FRMD6: variants seen among roughly 807,000 people sequenced by gnomAD.
FRMD6 encodes the protein FERM domain containing 6.
In FRMD6, 37 loss-of-function variants were observed where a neutral mutation model predicts 73.2. The observed-to-expected ratio is 0.51, with a 90% CI of 0.39 to 0.66. FRMD6 has a LOEUF of 0.66. FRMD6 is among the 30% of genes least tolerant of loss of function. FRMD6 has a pLI of 0.00. For synonymous variants in FRMD6, 273 were observed against 282.2 expected (o/e 0.97, Z 0.33); for missense variants, 714 against 780.5 (o/e 0.91, Z 1.02).
chr14:51,533,919 T>C (rs749440747), intron 1 of FRMD6, among the ~76,000 whole-genome samples: 19 of 152,318 alleles, frequency 1.2e-4, no homozygotes, highest in Non-Finnish European at 2.5e-4. Flanking sequence ...TCAATGTGGA[T>C]CCTTTTATCT....
intron 7 of FRMD6, 70 bp downstream of exon 7, chr14:51,708,303 AC>A: frequency 1.5e-6 from 2 of 1,373,780 alleles, no homozygotes; most frequent in Non-Finnish European, 2.0e-6. Flanking sequence ...GAGAAGGAAA[AC>A]CGAAGGATTT....
chr14:51,591,383 T>C (rs553073784), intron 2 of FRMD6, among the ~76,000 whole-genome samples: 1 of 152,286 alleles, frequency 6.6e-6, no homozygotes, highest in African/African-American at 2.4e-5. Context: ...TGATCCAGAC[T>C]TAGAAGTATG....
chr14:51,535,491 G>A (rs1885832981), intron 1 of FRMD6, among the ~76,000 whole-genome samples: 1 of 152,180 alleles, frequency 6.6e-6, no homozygotes, highest in African/African-American at 2.4e-5. Context: ...AGTCTTTTGA[G>A]ACTGGCTTCT....
chr14:51,685,665 A>G (rs1895099734), intron 1 of FRMD6, among the ~76,000 whole-genome samples: 1 of 152,212 alleles, frequency 6.6e-6, no homozygotes, highest in South Asian at 2.1e-4. Context: ...TAATACTGTT[A>G]TCCATTATAT....
In FRMD6 at chr14:51,516,279, G is replaced by A. The variant is rs571713483; in HGVS notation, c.-210+26859G>A. 2.0e-5 allele frequency among the ~76,000 whole-genome samples: 3 copies of A among 152,288 alleles called. 1 individual carries two copies. Among genetic ancestry groups the A allele is most frequent in the African/African-American group, 7.2e-5 (3 of 41,548 alleles). ...ATAAATTCTCCATTTACAGGGACTG[G>A]TTTTTAGGTTAGCTTTTTGCTATCT... is the stretch of plus-strand genomic sequence containing the variant. On this transcript the variant is annotated intron_variant, in intron 1 of 14. Transcript: ENST00000356218.
rs749349 is a variant in FRMD6, at chr14:51,716,887, C to T, written c.1024+1388C>T. 2.3e-3 allele frequency among the ~76,000 whole-genome samples: 355 copies of T among 152,106 alleles called. 2 individuals carry two copies. In the Middle Eastern group the frequency reaches 0.031, roughly 13 times the overall value. On this transcript the variant is annotated intron_variant, in intron 10 of 13. Coordinates refer to ENST00000344768, the MANE Select transcript of FRMD6 (RefSeq NM_001267046.2). ...CCTGTGAGAATAGGTGACATAATTA[C>T]GTGCAGAGCCCATAATTTGCCAAGT...
chr14:51,560,437 G>A (rs1020557408), intron 1 of FRMD6, among the ~76,000 whole-genome samples: 4 of 152,142 alleles, frequency 2.6e-5, no homozygotes, highest in African/African-American at 7.2e-5. Context: ...ACAGCCAAGT[G>A]GGCAGGTGAT....
chr14:51,570,948 T>C (rs1950934), intron 2 of FRMD6, among the ~76,000 whole-genome samples: 125,747 of 152,270 alleles, frequency 0.83, 52,280 homozygotes, highest in African/African-American at 0.91. Context: ...ACGATGTGTT[T>C]GGTAGAAATT....
intron 1 of FRMD6, among the ~76,000 whole-genome samples, chr14:51,494,641 A>T (rs1883193301): frequency 6.6e-6 from 1 of 152,162 alleles, no homozygotes; most frequent in Non-Finnish European, 1.5e-5. Flanking sequence ...ACCTGTGGCA[A>T]CATCTATCTA....
chr14:51,494,445 A>G (rs1428902297), intron 1 of FRMD6, among the ~76,000 whole-genome samples: 2 of 152,196 alleles, frequency 1.3e-5, no homozygotes, highest in Non-Finnish European at 2.9e-5. Context: ...CAAGTCCAAA[A>G]CCTTAAAACT....
rs151237199 is a variant in FRMD6, at chr14:51,587,863, G to A, written c.-147+17453G>A. Among the ~76,000 whole-genome samples, 999 of 152,180 alleles carry A rather than the reference G, an allele frequency of 6.6e-3. 1 individual carries two copies. Among genetic ancestry groups the A allele is most frequent in the Middle Eastern group, 0.014 (4 of 294 alleles). ...GAGGGTCCTTCCTACTGACGTTAGC[G>A]GCAATGACGTTCTTATCACTGTTCT... On this transcript the variant is annotated intron_variant, in intron 2 of 14. Transcript: ENST00000356218.
At chr14:51,716,474 G>C (rs1447855895) in intron 10 of FRMD6, among the ~76,000 whole-genome samples, 1 of 152,142 alleles carries the variant, frequency 6.6e-6, no homozygotes, top group Non-Finnish European at 1.5e-5. Context: ...TCTGAGACAA[G>C]TTTTGACACC....
chr14:51,437,865 GGGAAAAAAGAAAAACCT>G, the FRMD6 span, among the ~76,000 whole-genome samples: 2 of 152,074 alleles, frequency 1.3e-5, no homozygotes, highest in African/African-American at 2.4e-5. Context: ...TGAACTCTGT[GGGAAAAAAGAAAAACCT>G]GTTCCCTTTG....
chr14:51,698,378 G>T, intron 3 of FRMD6, 146 bp downstream of exon 3: 1 of 440,402 alleles, frequency 2.3e-6, no homozygotes, highest in Non-Finnish European at 4.0e-6. Context: ...TAGTGTAGGT[G>T]TAGTATTTAA....
intron 2 of FRMD6, among the ~76,000 whole-genome samples, chr14:51,588,746 A>G (rs8017354): frequency 9.7e-4 from 148 of 152,292 alleles, no homozygotes; most frequent in African/African-American, 3.3e-3. Flanking sequence ...GCGAACTTAA[A>G]CTGTAAAGCA....
At chr14:51,423,319 C>T in the FRMD6 span, among the ~76,000 whole-genome samples, 6 of 152,208 alleles carry the variant, frequency 3.9e-5, no homozygotes, top group Non-Finnish European at 8.8e-5. Context: ...TGGGGGCACC[C>T]GTCTGTCACT....
intron 12 of FRMD6, among the ~76,000 whole-genome samples, chr14:51,723,391 T>G (rs762709003): frequency 6.6e-6 from 1 of 152,178 alleles, no homozygotes; most frequent in African/African-American, 2.4e-5. Flanking sequence ...AGACTGTTAA[T>G]TTTAAATAGA....
chr14:51,671,095 C>T (rs967210362), intron 1 of FRMD6, among the ~76,000 whole-genome samples: 1 of 152,166 alleles, frequency 6.6e-6, no homozygotes. Context: ...TCCTGGAATA[C>T]ACCCAACGTG....
At chr14:51,693,475 A>T (rs1895741185) in intron 2 of FRMD6, among the ~76,000 whole-genome samples, 1 of 152,126 alleles carries the variant, frequency 6.6e-6, no homozygotes, top group African/African-American at 2.4e-5. Flanking sequence ...CTACTCCACA[A>T]CTTTGCAATC....
Sources: gnomAD v4.1 joint callset for allele counts (sites outside exome capture counted in the v4.1 genomes callset) on GRCh38, gnomAD v4.1.1 for gene constraint, MANE v1.5 for transcripts, NCBI Gene and HGNC (gene_info 2026-07-23, HGNC 2026-07-21) for gene names.